Variants in NHSL1 observed in about 807,000 individuals in gnomAD.
NHSL1 encodes NHS-like protein 1.
Under a neutral mutation model 95.0 loss-of-function variants are expected in NHSL1, and 48 were observed. That is an observed-to-expected ratio of 0.51 (90% CI 0.40 to 0.64). NHSL1 has a LOEUF of 0.64. Among genes scored for constraint, NHSL1 ranks in the 30% least tolerant of loss-of-function variants. The pLI, the probability that NHSL1 is intolerant of heterozygous loss-of-function variation, is 0.00. For missense variants in NHSL1, 1,971 were observed against 2,077.7 expected (o/e 0.95, Z 1.00); for synonymous variants, 783 against 833.9 (o/e 0.94, Z 1.05).
At chr6:138,485,041 C>G (rs948382373) in intron 2 of NHSL1, among the ~76,000 whole-genome samples, 1 of 152,128 alleles carries the variant, frequency 6.6e-6, no homozygotes, top group Non-Finnish European at 1.5e-5. Context: ...TAGTTGAGCA[C>G]CACCAGAGAG....
intron 1 of NHSL1, among the ~76,000 whole-genome samples, chr6:138,654,737 AAAAACAAAAC>A (rs1050182665): frequency 6.6e-6 from 1 of 152,288 alleles, no homozygotes; most frequent in Non-Finnish European, 1.5e-5. Flanking sequence ...GCCTTGACTG[AAAAACAAAAC>A]AAAACAAAAC....
intron 1 of NHSL1, among the ~76,000 whole-genome samples, chr6:138,578,391 C>G (rs6570244): frequency 0.26 from 39,756 of 152,092 alleles, 8,542 homozygotes; most frequent in African/African-American, 0.6. Flanking sequence ...GCCACTGACA[C>G]AGAACATGGA....
chr6:138,679,582 T>C (rs1347776356), intron 1 of NHSL1, among the ~76,000 whole-genome samples: 1 of 152,184 alleles, frequency 6.6e-6, no homozygotes, highest in Non-Finnish European at 1.5e-5. Context: ...TGAGTACAAT[T>C]GAAAGGTTCA....
intron 3 of NHSL1, chr6:138,464,267 T>A: frequency 2.5e-6 from 2 of 807,468 alleles, no homozygotes; most frequent in Admixed American, 3.8e-5. Context: ...CTCTGCCCAC[T>A]TCCTGCTTTG....
At position 138,640,828 on chromosome 6, in the gene NHSL1, ACTGAAGC is replaced by A. The variant is rs549415886; in HGVS notation, c.96+51641_96+51647del. Among the ~76,000 whole-genome samples the A allele has an allele frequency of 9.9e-5, 15 of 152,262 alleles. 1 individual carries two copies. In the South Asian group the frequency reaches 2.9e-3, roughly 30 times the overall value. On this transcript the variant is annotated intron_variant, in intron 1 of 3. Transcript: ENST00000491526. ...TCAACTGTATTTACTGGTTGATAAA[ACTGAAGC>A]CACCTTCAATCTTGAATCCATTCAA...
At chr6:138,609,314 C>T (rs80280612) in intron 1 of NHSL1, among the ~76,000 whole-genome samples, 6,985 of 152,160 alleles carry the variant, frequency 0.046, 225 homozygotes, top group South Asian at 0.072. Context: ...GAATGTGAGA[C>T]GCAGAGTCGA....
intron 1 of NHSL1, among the ~76,000 whole-genome samples, chr6:138,627,807 G>T (rs1336555218): frequency 6.6e-6 from 1 of 151,970 alleles, no homozygotes; most frequent in African/African-American, 2.4e-5. Flanking sequence ...CTTGAACCTG[G>T]GAGGCAGATG....
At chr6:138,525,544 T>C (rs1781866555) in intron 1 of NHSL1, among the ~76,000 whole-genome samples, 1 of 125,130 alleles carries the variant, frequency 8.0e-6, no homozygotes, top group African/African-American at 2.8e-5. Context: ...AATAAATAAA[T>C]AAATAAATAA....
intron 1 of NHSL1, among the ~76,000 whole-genome samples, chr6:138,587,413 C>A (rs1784153954): frequency 6.7e-6 from 1 of 149,324 alleles, no homozygotes; most frequent in African/African-American, 2.5e-5. Context: ...GAAACCCCAT[C>A]TCTACTAAAA....
In NHSL1 at chr6:138,572,005, G is replaced by C. The variant is rs1177125735; in HGVS notation, c.-94C>G. ...CCCAGGTCCTCTCCACGAGCCTGCT[G>C]TTTCCCTCTTAGACAACGCTGACAG... On this transcript the variant is annotated 5_prime_UTR_variant, in exon 1 of 7. Transcript: ENST00000427025. The C allele has an allele frequency of 5.1e-6, 5 of 988,656 alleles. No individual in the cohort carries two copies. In the African/African-American group the frequency reaches 8.2e-5, roughly 16 times the overall value. 61.2% of individuals were successfully genotyped at this position (988,656 alleles called of 1,614,324 possible). A position where few individuals can be genotyped will look rare whatever the true frequency, so the allele number is the denominator to read the frequency against.
rs377253610 is a variant in NHSL1 at position 138,605,837 on chromosome 6, T to C, written c.96+86639A>G. ...TTTGAGAGGAAAATGGCCAGGTCTC[T>C]TGAATAGCTATCAAGCAAGGCAGAA... On this transcript the variant is annotated intron_variant, in intron 1 of 3. Coordinates refer to the NHSL1 transcript ENST00000491526. Among the ~76,000 whole-genome samples the C allele has an allele frequency of 3.0e-4, 46 of 152,316 alleles. No homozygotes were observed. In the South Asian group the frequency reaches 3.5e-3, roughly 12 times the overall value.
At chr6:138,597,042 T>C (rs1470444532) in intron 1 of NHSL1, among the ~76,000 whole-genome samples, 2 of 152,082 alleles carry the variant, frequency 1.3e-5, no homozygotes, top group Non-Finnish European at 2.9e-5. Context: ...ATGTCTGTAA[T>C]CCCAGATACT....
upstream of NHSL1, among the ~76,000 whole-genome samples, chr6:138,549,315 G>A (rs547602575): frequency 7.2e-5 from 11 of 152,282 alleles, no homozygotes; most frequent in African/African-American, 9.6e-5. Flanking sequence ...CCTGGGAGGC[G>A]GAGGTTGCAG....
intron 2 of NHSL1, among the ~76,000 whole-genome samples, chr6:138,493,449 T>A (rs1300735034): frequency 6.6e-6 from 1 of 152,206 alleles, no homozygotes; most frequent in Non-Finnish European, 1.5e-5. Flanking sequence ...AGATGTTCAG[T>A]TTTTCAAGGG....
chr6:138,604,125 C>T (rs1017653483), intron 1 of NHSL1, among the ~76,000 whole-genome samples: 11 of 152,144 alleles, frequency 7.2e-5, no homozygotes. Flanking sequence ...TAACATGGAT[C>T]AACTTAAGTA....
At position 138,431,489 on chromosome 6, in the gene NHSL1, G is replaced by C; in HGVS notation, c.2856C>G (p.Pro952=). ...GGGAGCAATCTGTGACAGGAGGTGG[G>C]GGAGGAAGGAAAGGAGACCTGTCTG... ...CPADRSPFLP[P]PPPVTDCSQG... is the part of the protein sequence containing the mutation. Residue 952 remains proline (P), a synonymous_variant, in exon 6 of 8, where the codon CCC becomes CCG. Coordinates refer to ENST00000343505, the MANE Select transcript of NHSL1 (RefSeq NM_001144060.2). This position sits in a 1 kb window ranked among gnomAD's most constrained non-coding sequence, Gnocchi z 4.0. 1 of 1,551,280 alleles carries C rather than the reference G, an allele frequency of 6.4e-7. No homozygotes were observed. The highest frequency in any genetic ancestry group is 8.7e-7 in the Non-Finnish European group (1 of 1,146,846).
At chr6:138,683,564 C>G (rs1198831791) in intron 1 of NHSL1, among the ~76,000 whole-genome samples, 1 of 152,212 alleles carries the variant, frequency 6.6e-6, no homozygotes, top group Non-Finnish European at 1.5e-5. Flanking sequence ...AAGGGAAAAG[C>G]CCAAAAGCCT....
At chr6:138,521,938 AGAG>A (rs775374835) in intron 1 of NHSL1, among the ~76,000 whole-genome samples, 27 of 152,258 alleles carry the variant, frequency 1.8e-4, no homozygotes, top group Admixed American at 5.2e-4. Flanking sequence ...GTCAGAAAGA[AGAG>A]GAGGAGCCTT....
Position 138,424,511 on chromosome 6 carries a change from G to T in NHSL1, c.4391C>A (p.Pro1464Gln). The T allele has an allele frequency of 6.4e-7, 1 of 1,551,660 alleles. No individual in the cohort carries two copies. Among genetic ancestry groups the T allele is most frequent in the Non-Finnish European group, 8.7e-7 (1 of 1,146,986 alleles). ...GTTCTTGCTTGGGGAGCAGCTTGAC[G>T]GGCTCTCGGGGGCATCTGGGGAAGG... ...SEPSPDAPES[P>Q]SSCSPSKNRR... is the part of the protein sequence containing the mutation. Residue 1464 changes from proline (P) to glutamine (Q), a missense_variant, in exon 8 of 8, where the codon CCG becomes CAG. This residue lies in a region of NHSL1 where 223 missense variants were observed against 217.0 expected (regional missense o/e 1.03). Transcript: ENST00000343505. This position sits in a 1 kb window ranked among gnomAD's most constrained non-coding sequence, Gnocchi z 5.9.
Sources: allele counts gnomAD v4.1 joint callset (sites outside exome capture counted in the v4.1 genomes callset), GRCh38; gene constraint gnomAD v4.1.1; regional missense constraint gnomAD v4.1.1; non-coding constraint Gnocchi (gnomAD v3.1); transcripts MANE v1.5; gene names NCBI Gene and HGNC (gene_info 2026-07-23, HGNC 2026-07-21).